SLC24A3: variants seen among roughly 807,000 people sequenced by gnomAD.
SLC24A3 encodes the protein sodium/potassium/calcium exchanger 3.
Under a neutral mutation model 75.8 loss-of-function variants are expected in SLC24A3, and 28 were observed. That is an observed-to-expected ratio of 0.37 (90% CI 0.27 to 0.51). The LOEUF (loss-of-function observed/expected upper bound fraction) is 0.51, where lower values mean the gene tolerates loss of function less well. SLC24A3 is among the 20% of genes least tolerant of loss of function. SLC24A3 has a pLI of 0.94. For missense variants in SLC24A3, 663 were observed against 847.8 expected, an observed-to-expected ratio of 0.78 and a Z score of 2.71; for synonymous variants, 372 against 334.1, an observed-to-expected ratio of 1.11 and a Z score of -1.24.
intron 2 of SLC24A3, among the ~76,000 whole-genome samples, chr20:19,483,840 A>G (rs560619752): frequency 1.3e-5 from 2 of 152,276 alleles, no homozygotes; most frequent in South Asian, 4.1e-4. Flanking sequence ...GAACTGAGGG[A>G]CCTAAGAACA....
chr20:19,380,236 G>C (rs1986157696), intron 2 of SLC24A3, among the ~76,000 whole-genome samples: 1 of 152,170 alleles, frequency 6.6e-6, no homozygotes, highest in Non-Finnish European at 1.5e-5. Flanking sequence ...CCAGGTGAAG[G>C]TTGCGGGAAG....
intron 1 of SLC24A3, among the ~76,000 whole-genome samples, chr20:19,228,520 C>G (rs1053887494): frequency 2.6e-5 from 4 of 152,120 alleles, no homozygotes; most frequent in African/African-American, 9.6e-5. Context: ...TGGTGGGCGC[C>G]TGTAGTCTCA....
chr20:19,212,826 C>G lies in SLC24A3; in HGVS notation c.-17C>G. 2 of 987,480 alleles carry G rather than the reference C, an allele frequency of 2.0e-6. No homozygotes were observed. The allele number at this position is 987,480 out of a possible 1,614,324, so 61.2% of individuals were successfully genotyped here. A position where few individuals can be genotyped will look rare whatever the true frequency, so the allele number is the denominator to read the frequency against. Reference sequence around the variant, plus strand: ...AGCGGCCGCCGCCCGCCGAGGCCGCCGCCCGGCCGCCCGAGGATGCGGCCG... The same window carrying G: ...AGCGGCCGCCGCCCGCCGAGGCCGCGGCCCGGCCGCCCGAGGATGCGGCCG... On this transcript the variant is annotated 5_prime_UTR_variant, in exon 1 of 17. Transcript: ENST00000328041.
chr20:19,487,473 C>T (rs1199533996), intron 2 of SLC24A3, among the ~76,000 whole-genome samples: 1 of 152,148 alleles, frequency 6.6e-6, no homozygotes, highest in Non-Finnish European at 1.5e-5. Context: ...ACAACAATAG[C>T]ACTATACAGA....
At chr20:19,437,866 C>A (rs780686829) in intron 2 of SLC24A3, among the ~76,000 whole-genome samples, 1 of 152,184 alleles carries the variant, frequency 6.6e-6, no homozygotes, top group Non-Finnish European at 1.5e-5. Flanking sequence ...GTCATGCTTC[C>A]CTCTCCCAGC....
chr20:19,281,841 T>A (rs1983673474), intron 2 of SLC24A3, among the ~76,000 whole-genome samples: 1 of 152,180 alleles, frequency 6.6e-6, no homozygotes, highest in African/African-American at 2.4e-5. Flanking sequence ...TTAAAATAAT[T>A]TTTTATAATG....
intron 1 of SLC24A3, among the ~76,000 whole-genome samples, chr20:19,269,539 T>C (rs1188368825): frequency 1.3e-5 from 2 of 152,248 alleles, no homozygotes; most frequent in African/African-American, 4.8e-5. Flanking sequence ...TCCATTAAAT[T>C]GTGGGTGCAC....
At chr20:19,317,621 A>G (rs760371185) in intron 2 of SLC24A3, among the ~76,000 whole-genome samples, 14 of 152,210 alleles carry the variant, frequency 9.2e-5, no homozygotes, top group Non-Finnish European at 2.1e-4. Flanking sequence ...CTGTTTAGAA[A>G]GCTTATGAGG....
intron 6 of SLC24A3, among the ~76,000 whole-genome samples, chr20:19,592,072 C>A (rs1374700893): frequency 6.6e-6 from 1 of 152,248 alleles, no homozygotes; most frequent in East Asian, 1.9e-4. Flanking sequence ...CCACCACCTA[C>A]ATGTGGGATT....
At chr20:19,316,827 T>C (rs1364656031) in intron 2 of SLC24A3, among the ~76,000 whole-genome samples, 2 of 152,218 alleles carry the variant, frequency 1.3e-5, no homozygotes, top group African/African-American at 4.8e-5. Flanking sequence ...TTTCTTTTTT[T>C]AAAAATTTCC....
intron 3 of SLC24A3, among the ~76,000 whole-genome samples, chr20:19,542,126 G>T (rs2030509676): frequency 6.6e-6 from 1 of 152,198 alleles, no homozygotes; most frequent in Non-Finnish European, 1.5e-5. Context: ...GTGTTCAGAG[G>T]CAATGCCCAG....
chr20:19,496,197 A>C (rs1343959343), intron 2 of SLC24A3, among the ~76,000 whole-genome samples: 1 of 152,088 alleles, frequency 6.6e-6, no homozygotes, highest in Non-Finnish European at 1.5e-5. Context: ...CTCACTGATG[A>C]TTTCGCAGAG....
chr20:19,309,272 T>G (rs1446518965), intron 2 of SLC24A3, among the ~76,000 whole-genome samples: 1 of 152,228 alleles, frequency 6.6e-6, no homozygotes, highest in Admixed American at 6.5e-5. Context: ...CTTGATCAGC[T>G]TTCCTAACTT....
chr20:19,552,846 G>C (rs972181462), intron 3 of SLC24A3, among the ~76,000 whole-genome samples: 1 of 152,098 alleles, frequency 6.6e-6, no homozygotes, highest in African/African-American at 2.4e-5. Context: ...ACAGGATTAG[G>C]TGACAGCCTA....
intron 2 of SLC24A3, among the ~76,000 whole-genome samples, chr20:19,349,876 T>C (rs1260026665): frequency 6.6e-6 from 1 of 152,218 alleles, no homozygotes; most frequent in Admixed American, 6.5e-5. Context: ...TGATTTGCTC[T>C]GGTTGGTGTT....
Position 19,722,604 on chromosome 20 carries a change from C to G in SLC24A3, c.*1464C>G, listed in dbSNP as rs2033115516. ...TTGCCCGTGCTGTCCCTTGTATTTA[C>G]TTTAAGCACTGATCACTTATCATTC... On this transcript the variant is annotated 3_prime_UTR_variant, in exon 17 of 17. Coordinates refer to ENST00000328041, the MANE Select transcript of SLC24A3 (RefSeq NM_020689.4). 6.5e-6 allele frequency: 1 copy of G among 152,684 alleles called. No individual in the cohort carries two copies. The highest frequency in any genetic ancestry group is 2.4e-5 in the African/African-American group (1 of 41,458). The allele number at this position is 152,684 out of a possible 1,614,324, so 9.5% of individuals were successfully genotyped here.
chr20:19,426,995 A>G (rs933045122), intron 2 of SLC24A3, among the ~76,000 whole-genome samples: 1 of 152,184 alleles, frequency 6.6e-6, no homozygotes, highest in Non-Finnish European at 1.5e-5. Context: ...TGGTGTCCAC[A>G]CTAGGACAGG....
At chr20:19,269,989 G>C (rs769506791) in intron 1 of SLC24A3, among the ~76,000 whole-genome samples, 1 of 152,088 alleles carries the variant, frequency 6.6e-6, no homozygotes, top group Admixed American at 6.5e-5. Flanking sequence ...CATCTTCTTC[G>C]CTTCCATTCC....
intron 2 of SLC24A3, among the ~76,000 whole-genome samples, chr20:19,308,981 G>A (rs947485434): frequency 6.6e-5 from 10 of 152,196 alleles, no homozygotes; most frequent in African/African-American, 1.4e-4. Context: ...CACAGTGCAC[G>A]GAATGTGGAT....
Sources: allele counts gnomAD v4.1 joint callset (sites outside exome capture counted in the v4.1 genomes callset), GRCh38; gene constraint gnomAD v4.1.1; transcripts MANE v1.5; gene names NCBI Gene and HGNC (gene_info 2026-07-23, HGNC 2026-07-21).